The following TTBK2 variants were observed in gnomAD, a reference collection of about 807,000 sequenced individuals.
The protein encoded by TTBK2 is tau-tubulin kinase 2.
Under a neutral mutation model 110.8 loss-of-function variants are expected in TTBK2, and 28 were observed. The ratio of observed to expected loss-of-function variants is 0.25; its 90% CI spans 0.19 to 0.35. TTBK2 has a LOEUF of 0.35. TTBK2 is among the 10% of genes least tolerant of loss of function. The pLI is 1.00. For missense variants in TTBK2, 1,369 were observed against 1,500.3 expected, an observed-to-expected ratio of 0.91 and a Z score of 1.45; for synonymous variants, 532 against 527.3, an observed-to-expected ratio of 1.01 and a Z score of -0.12.
intron 13 of TTBK2, among the ~76,000 whole-genome samples, chr15:42,761,326 G>C (rs1474713636): frequency 6.6e-6 from 1 of 152,086 alleles, no homozygotes; most frequent in Admixed American, 6.6e-5. Context: ...AAATAAACTG[G>C]ATTATATCAA....
intron 14 of TTBK2, among the ~76,000 whole-genome samples, chr15:42,747,751 G>A (rs906013633): frequency 6.6e-6 from 1 of 152,070 alleles, no homozygotes; most frequent in Non-Finnish European, 1.5e-5. Flanking sequence ...GGACCCTAGG[G>A]CCCCTCTAAT....
At chr15:42,807,561 A>AC (rs1891521962) in intron 9 of TTBK2, among the ~76,000 whole-genome samples, 1 of 150,750 alleles carries the variant, frequency 6.6e-6, no homozygotes, top group African/African-American at 2.5e-5. Flanking sequence ...GGTGCATGCT[A>AC]CCACACCTGG....
chr15:42,815,950 A>ATT (rs1567040532), intron 7 of TTBK2, among the ~76,000 whole-genome samples: 8 of 12,284 alleles, frequency 6.5e-4, no homozygotes, highest in South Asian at 4.0e-3. Context: ...ATATATATTT[A>ATT]AAAAAAAAAT....
chr15:42,840,058 C>T (rs1382432190), intron 4 of TTBK2, among the ~76,000 whole-genome samples: 1 of 152,090 alleles, frequency 6.6e-6, no homozygotes, highest in African/African-American at 2.4e-5. Flanking sequence ...AAACTGGAAC[C>T]CCTAAGGTAA....
intron 10 of TTBK2, among the ~76,000 whole-genome samples, chr15:42,793,446 T>C (rs1471183332): frequency 6.6e-6 from 1 of 151,930 alleles, no homozygotes; most frequent in Non-Finnish European, 1.5e-5. Context: ...GAGGCTGAGG[T>C]AGGAGGATTG....
At chr15:42,771,799 T>C (rs1041310892) in intron 13 of TTBK2, among the ~76,000 whole-genome samples, 8 of 152,186 alleles carry the variant, frequency 5.3e-5, no homozygotes, top group Admixed American at 4.6e-4. Context: ...ATGCTGGCAA[T>C]GCCCTGGTGT....
chr15:42,841,917 C>A (rs1365230981), intron 3 of TTBK2, among the ~76,000 whole-genome samples: 1 of 152,040 alleles, frequency 6.6e-6, no homozygotes, highest in Non-Finnish European at 1.5e-5. Flanking sequence ...TAAGTTCAGG[C>A]CTGGTGCTAA....
Position 42,801,944 on chromosome 15 carries a change from C to A in TTBK2, c.823-7143G>T, listed in dbSNP as rs545041927. 4 of 1,588,392 alleles carry A rather than the reference C, an allele frequency of 2.5e-6. No homozygotes were observed. The East Asian group carries it at 8.9e-5, about 35-fold the overall frequency. On this transcript the variant is annotated intron_variant, in intron 9 of 14. Transcript: ENST00000267890. ...AGCTCCGCCTCCAGCTTCAGCTTCTCCTGGCCCAGAGTCTCCAGCTGCCAC... is the reference window on the plus strand; with the variant it reads ...AGCTCCGCCTCCAGCTTCAGCTTCTACTGGCCCAGAGTCTCCAGCTGCCAC...
chr15:42,864,414 A>G (rs991685636), intron 3 of TTBK2, among the ~76,000 whole-genome samples: 1 of 151,980 alleles, frequency 6.6e-6, no homozygotes, highest in Non-Finnish European at 1.5e-5. Flanking sequence ...GAAAAACCCC[A>G]TATCTGCTAA....
At chr15:42,855,903 C>T (rs942064247) in intron 3 of TTBK2, among the ~76,000 whole-genome samples, 2 of 152,242 alleles carry the variant, frequency 1.3e-5, no homozygotes, top group South Asian at 4.1e-4. Context: ...AGGATGGTCT[C>T]GATCTCCTGA....
rs369085281 is a variant in TTBK2, at chr15:42,810,701, C to G, written c.735G>C (p.Arg245Ser). 5.6e-6 allele frequency: 9 copies of G among 1,613,600 alleles called. No homozygotes were observed. The highest frequency in any genetic ancestry group is 1.3e-5 in the African/African-American group (1 of 74,900). Residue 245 changes from arginine to serine, a missense_variant, in exon 9 of 15, where the codon AGG becomes AGC. Physicochemically the swap from Arg to Ser is moderately radical, Grantham distance 110. This residue lies in a region of TTBK2 where 138 missense variants were observed against 179.0 expected (regional missense o/e 0.77). Transcript: ENST00000267890. ...CTGGAGGGAGATGTTTCAACATGAGCCTGTGGTCATATCTCTCCTTAATAG... is the reference window on the plus strand; with the variant it reads ...CTGGAGGGAGATGTTTCAACATGAGGCTGTGGTCATATCTCTCCTTAATAG... ...VGSIKERYDHRLMLKHLPPEF... is the reference protein window; with the variant it reads ...VGSIKERYDHSLMLKHLPPEF...
Position 42,800,984 on chromosome 15 carries a change from G to A in TTBK2, c.823-6183C>T, listed in dbSNP as rs1347435408. On this transcript the variant is annotated intron_variant, in intron 9 of 14. Coordinates refer to ENST00000267890, the MANE Select transcript of TTBK2 (RefSeq NM_173500.4). Reference sequence around the variant, plus strand: ...GGCTTCACTTGGGCAGGACGTTGGAGGACTCAGACACTAGCTTCCCATCAC... The same window carrying A: ...GGCTTCACTTGGGCAGGACGTTGGAAGACTCAGACACTAGCTTCCCATCAC... The A allele has an allele frequency of 5.3e-6, 4 of 759,636 alleles. No individual in the cohort carries two copies. The Admixed American group carries it at 6.8e-5, about 13-fold the overall frequency. The allele number at this position is 759,636 out of a possible 1,614,324, so 47.1% of individuals were successfully genotyped here.
intron 9 of TTBK2, chr15:42,802,196 G>T: frequency 9.1e-7 from 1 of 1,095,056 alleles, no homozygotes; most frequent in Non-Finnish European, 1.4e-6. Context: ...AGAGGGCTCA[G>T]CAGGCTTTGG....
chr15:42,899,497 T>C (rs1228500272), intron 1 of TTBK2, among the ~76,000 whole-genome samples: 2 of 151,820 alleles, frequency 1.3e-5, no homozygotes, highest in East Asian at 3.9e-4. Context: ...TCCCAGCACT[T>C]TGGGAGGCCG....
chr15:42,835,571 C>T (rs1802625818), intron 4 of TTBK2, among the ~76,000 whole-genome samples: 2 of 151,662 alleles, frequency 1.3e-5, no homozygotes, highest in Non-Finnish European at 2.9e-5. Flanking sequence ...TTAAAAGAGG[C>T]TTAAGAGATA....
intron 10 of TTBK2, among the ~76,000 whole-genome samples, chr15:42,784,613 T>C (rs1198235303): frequency 1.3e-5 from 2 of 152,006 alleles, no homozygotes; most frequent in Non-Finnish European, 2.9e-5. Context: ...AACAGGAAAA[T>C]GTTAAGTGCT....
intron 1 of TTBK2, among the ~76,000 whole-genome samples, chr15:42,883,199 T>C (rs1453923353): frequency 1.3e-5 from 2 of 151,882 alleles, no homozygotes; most frequent in Non-Finnish European, 2.9e-5. Context: ...CTGACCAACA[T>C]GGAGAAACCC....
At chr15:42,913,710 C>T (rs2030921380) in intron 1 of TTBK2, among the ~76,000 whole-genome samples, 1 of 151,994 alleles carries the variant, frequency 6.6e-6, no homozygotes, top group South Asian at 2.1e-4. Flanking sequence ...GTGTAAACAA[C>T]CTAGTTTTCC....
chr15:42,777,253 T>C lies in TTBK2; in HGVS notation c.1198-11A>G. On this transcript the variant is annotated splice_polypyrimidine_tract_variant and intron_variant, in intron 11 of 14. Coordinates refer to ENST00000267890, the MANE Select transcript of TTBK2 (RefSeq NM_173500.4). ...CTCTTCAGTAGCAGCCTATCCAAAA[T>C]ATAAAATAAAATCATGAAAAACATT... 1.2e-6 allele frequency: 2 copies of C among 1,613,704 alleles called. No homozygotes were observed. The highest frequency in any genetic ancestry group is 1.7e-6 in the Non-Finnish European group (2 of 1,179,788).
Sources: allele counts gnomAD v4.1 joint callset (sites outside exome capture counted in the v4.1 genomes callset), GRCh38; gene constraint gnomAD v4.1.1; regional missense constraint gnomAD v4.1.1; transcripts MANE v1.5; gene names NCBI Gene and HGNC (gene_info 2026-07-23, HGNC 2026-07-21).